Variants in DST observed in about 807,000 individuals in gnomAD.
The protein encoded by DST is bullous pemphigoid antigen.
Under a neutral mutation model 875.2 loss-of-function variants are expected in DST, and 253 were observed. The ratio of observed to expected loss-of-function variants is 0.29; its 90% CI spans 0.26 to 0.32. The LOEUF is 0.32. Among genes scored for constraint, DST ranks in the 10% least tolerant of loss-of-function variants. The pLI, the probability that DST is intolerant of heterozygous loss-of-function variation, is 1.00. For missense variants in DST, 8,287 were observed against 9,111.6 expected (o/e 0.91, Z 3.68); for synonymous variants, 3,124 against 3,197.1 (o/e 0.98, Z 0.77).
intron 34 of DST, among the ~76,000 whole-genome samples, chr6:56,625,545 G>A (rs1171980988): frequency 6.6e-6 from 1 of 152,010 alleles, no homozygotes; most frequent in Non-Finnish European, 1.5e-5. Context: ...GTGATGTCGT[G>A]GCACAATGCA....
At position 56,608,404 on chromosome 6, in the gene DST, G is replaced by A. The variant is rs1238617727; in HGVS notation, c.6224C>T (p.Pro2075Leu). The A allele has an allele frequency of 3.7e-6, 6 of 1,613,350 alleles. No individual in the cohort carries two copies. The highest frequency in any genetic ancestry group is 5.1e-6 in the Non-Finnish European group (6 of 1,179,758). The change falls in exon 40 of 104, where the codon CCC becomes CTC. Residue 2075 changes from proline (P) to leucine (L), a missense_variant. Pro to Leu is a moderately conservative substitution (Grantham distance 98). Around this residue, in one of 10 missense-constraint regions of DST, gnomAD observed 3,138 missense variants for 3,116.6 expected, o/e 1.01. Coordinates refer to ENST00000680361, the MANE Select transcript of DST (RefSeq NM_001374736.1). Reference sequence around the variant, plus strand: ...TGTGGGAAATATTTCACCAGAATGGGGCCAAATGAGTCCAACATAGCCTCG... The same window carrying A: ...TGTGGGAAATATTTCACCAGAATGGAGCCAAATGAGTCCAACATAGCCTCG... ...AQRGYVGLIW[P>L]HSGEIFPTSS...
At chr6:56,578,995 T>A (rs1470691361) in intron 49 of DST, 58 bp from the exon 50 acceptor site, 3 of 1,390,642 alleles carry the variant, frequency 2.2e-6, no homozygotes, top group Non-Finnish European at 1.9e-6. Flanking sequence ...AGATTTCTAA[T>A]GTGGAAAAAA....
At chr6:56,671,810 T>A (rs1030121741) in intron 9 of DST, among the ~76,000 whole-genome samples, 3 of 152,164 alleles carry the variant, frequency 2.0e-5, no homozygotes, top group Admixed American at 1.3e-4. Context: ...AAGCAAGGCA[T>A]ATGAAGAACA....
chr6:56,504,135 T>C (rs368069712), intron 77 of DST, 37 bp from the exon 78 acceptor site: 33 of 1,407,014 alleles, frequency 2.3e-5, no homozygotes, highest in South Asian at 3.8e-5. Flanking sequence ...GTTACAACAG[T>C]ACATTTGAAA....
At chr6:56,628,191 T>C (rs1392728408) in intron 32 of DST, 30 bp from the exon 33 acceptor site, 1 of 1,596,576 alleles carries the variant, frequency 6.3e-7, no homozygotes, top group African/African-American at 1.3e-5. Context: ...ATAGTCACGG[T>C]GTCCAGCGAT....
chr6:56,733,506 C>T lies in DST; in HGVS notation c.687+1722G>A, dbSNP rs143765746. ...GTACTATGCTTTATGCTTATTTAGA[C>T]TATCTCATTTAAATCCTCACACCAA... On this transcript the variant is annotated intron_variant, in intron 5 of 103. Transcript: ENST00000680361. Among the ~76,000 whole-genome samples, 114 of 152,254 alleles carry T rather than the reference C, an allele frequency of 7.5e-4. No individual in the cohort carries two copies. In the East Asian group the frequency reaches 0.019, roughly 25 times the overall value.
intron 4 of DST, among the ~76,000 whole-genome samples, chr6:56,781,306 C>T (rs1218000675): frequency 6.6e-6 from 1 of 152,162 alleles, no homozygotes; most frequent in East Asian, 1.9e-4. Flanking sequence ...TATAAACTAC[C>T]TTGGGCAGTA....
At chr6:56,462,770 T>C (rs1168820934) in intron 102 of DST, among the ~76,000 whole-genome samples, 1 of 152,176 alleles carries the variant, frequency 6.6e-6, no homozygotes, top group Non-Finnish European at 1.5e-5. Flanking sequence ...GAGATAACAG[T>C]GGAACTAAGT....
intron 3 of DST, among the ~76,000 whole-genome samples, chr6:56,898,719 G>C (rs1301941979): frequency 6.6e-6 from 1 of 152,152 alleles, no homozygotes; most frequent in Non-Finnish European, 1.5e-5. Flanking sequence ...TTTTATATAT[G>C]TTTTTCTCAT....
Position 56,605,532 on chromosome 6 carries a change from G to A in DST, c.9096C>T (p.Leu3032=). 1 of 1,612,948 alleles carries A rather than the reference G, an allele frequency of 6.2e-7. No individual in the cohort carries two copies. Among genetic ancestry groups the A allele is most frequent in the African/African-American group, 1.3e-5 (1 of 74,932 alleles). The stretch of plus-strand genomic sequence containing the variant: ...CACTTTTGCCATCTCTCCCTTTAAT[G>A]AGATCGCTTCCATTTCCTTGAGGAT... ...DKDPQGNGSD[L]IKGRDGKSDI... Residue 3032 remains leucine, a synonymous_variant, in exon 40 of 104, where the codon CTC becomes CTT. Coordinates refer to ENST00000680361, the MANE Select transcript of DST (RefSeq NM_001374736.1).
chr6:56,577,490 T>C (rs1366337768), intron 50 of DST, among the ~76,000 whole-genome samples: 1 of 152,230 alleles, frequency 6.6e-6, no homozygotes, highest in African/African-American at 2.4e-5. Context: ...ACATGACTTA[T>C]ACATACATCT....
intron 61 of DST, chr6:56,542,684 G>T: frequency 6.5e-6 from 1 of 152,854 alleles, no homozygotes; most frequent in Non-Finnish European, 1.5e-5. Flanking sequence ...GGTGGAGGCA[G>T]CAGAAAGAAC....
intron 4 of DST, among the ~76,000 whole-genome samples, chr6:56,736,842 A>C (rs554185671): frequency 6.6e-6 from 1 of 152,348 alleles, no homozygotes; most frequent in South Asian, 2.1e-4. Flanking sequence ...TTAATACATA[A>C]GCAGGCAAAA....
chr6:56,931,654 C>T (rs1479537917), intron 2 of DST, among the ~76,000 whole-genome samples: 1 of 152,210 alleles, frequency 6.6e-6, no homozygotes, highest in East Asian at 1.9e-4. Context: ...ACATGGGAAC[C>T]CACCTCTTGC....
intron 3 of DST, among the ~76,000 whole-genome samples, chr6:56,886,269 C>T (rs934143533): frequency 1.7e-4 from 26 of 152,282 alleles, no homozygotes; most frequent in African/African-American, 6.3e-4. Flanking sequence ...ACACAGGAGA[C>T]AACAGACTGC....
intron 34 of DST, among the ~76,000 whole-genome samples, chr6:56,625,990 ACC>A (rs1477073863): frequency 2.0e-4 from 30 of 147,718 alleles, no homozygotes; most frequent in African/African-American, 6.7e-4. Flanking sequence ...AAAAAAAAAA[ACC>A]AAAAATTAAA....
At chr6:56,469,628 A>T (rs1263243422) in intron 97 of DST, among the ~76,000 whole-genome samples, 1 of 152,152 alleles carries the variant, frequency 6.6e-6, no homozygotes, top group Non-Finnish European at 1.5e-5. Flanking sequence ...ATGAGATTTG[A>T]GTATTTTCTT....
intron 3 of DST, among the ~76,000 whole-genome samples, chr6:56,872,212 T>C (rs1400409677): frequency 6.6e-6 from 1 of 152,172 alleles, no homozygotes; most frequent in African/African-American, 2.4e-5. Context: ...GGTATAGTCA[T>C]ACAAAAGTTG....
At chr6:56,670,538 G>T (rs562470938) in intron 10 of DST, 103 bp downstream of exon 10, 4 of 876,636 alleles carry the variant, frequency 4.6e-6, no homozygotes, top group Non-Finnish European at 6.4e-6. Flanking sequence ...CTAATTTTTT[G>T]CCATGCTTTT....
Sources: allele counts gnomAD v4.1 joint callset (sites outside exome capture counted in the v4.1 genomes callset), GRCh38; gene constraint gnomAD v4.1.1; regional missense constraint gnomAD v4.1.1; transcripts MANE v1.5; gene names NCBI Gene and HGNC (gene_info 2026-07-23, HGNC 2026-07-21).